ARMC9: variants seen among roughly 807,000 people sequenced by gnomAD.
ARMC9 encodes the protein armadillo repeat containing 9.
In ARMC9, 94 loss-of-function variants were observed where a neutral mutation model predicts 107.0. The ratio of observed to expected loss-of-function variants is 0.88; its 90% confidence interval spans 0.74 to 1.04. The LOEUF (loss-of-function observed/expected upper bound fraction) is 1.04, where lower values mean the gene tolerates loss of function less well. Among genes scored for constraint, ARMC9 ranks in the 50% least tolerant of loss-of-function variants. ARMC9 has a pLI of 0.00. For synonymous variants in ARMC9, 380 were observed against 396.9 expected, an observed-to-expected ratio of 0.96 and a Z score of 0.51; for missense variants, 942 against 1,030.1, an observed-to-expected ratio of 0.91 and a Z score of 1.17.
In ARMC9 at chr2:231,320,732, T is replaced by C. The variant is rs530646747; in HGVS notation, c.1774-11061T>C. 3.3e-5 allele frequency among the ~76,000 whole-genome samples: 5 copies of C among 152,256 alleles called. No individual in the cohort carries two copies. In the South Asian group the frequency reaches 1.0e-3, roughly 32 times the overall value. ...TCTTAATCCCTGGTAGGCATCTTAT[T>C]GGCAGGTGAGCTGATGGTCACAGCT... On this transcript the variant is annotated intron_variant, in intron 19 of 24. Transcript: ENST00000611582.
chr2:231,336,436 A>G (rs1158687214), intron 20 of ARMC9, among the ~76,000 whole-genome samples: 1 of 152,174 alleles, frequency 6.6e-6, no homozygotes, highest in East Asian at 1.9e-4. Context: ...GCGTCACCTG[A>G]GCCCACCTGC....
chr2:231,314,400 A>G (rs575878548), intron 19 of ARMC9, among the ~76,000 whole-genome samples: 1 of 152,080 alleles, frequency 6.6e-6, no homozygotes, highest in Non-Finnish European at 1.5e-5. Context: ...GTGTCTTTTG[A>G]TTTGTAAAAG....
rs564654987 is a variant in ARMC9, at chr2:231,356,732, C to T, written c.2131+798C>T. 8.5e-5 allele frequency among the ~76,000 whole-genome samples: 13 copies of T among 152,226 alleles called. No individual in the cohort carries two copies. In the South Asian group the frequency reaches 2.5e-3, roughly 29 times the overall value. ...TGAGCAGTTTCAGAGGTTTTGCCAG[C>T]GTTGATCATCAGTTATTTTACATGT... On this transcript the variant is annotated intron_variant, in intron 22 of 24. Transcript: ENST00000611582.
At chr2:231,217,196 G>C (rs1299292283) in intron 5 of ARMC9, among the ~76,000 whole-genome samples, 1 of 152,212 alleles carries the variant, frequency 6.6e-6, no homozygotes. Flanking sequence ...TCTTAAGCCA[G>C]ATACAAGAGA....
At chr2:231,242,627 C>T (rs2036404032) in intron 9 of ARMC9, among the ~76,000 whole-genome samples, 1 of 152,134 alleles carries the variant, frequency 6.6e-6, no homozygotes, top group Non-Finnish European at 1.5e-5. Flanking sequence ...CTGTGGCTTT[C>T]TCATAGCAAT....
In ARMC9 at chr2:231,272,935, C is replaced by G. The variant is rs776311851; in HGVS notation, c.1211-20C>G. The G allele has an allele frequency of 1.2e-6, 2 of 1,604,114 alleles. No homozygotes were observed. The highest frequency in any genetic ancestry group is 1.7e-4 in the Middle Eastern group (1 of 5,980). On this transcript the variant is annotated intron_variant, in intron 13 of 24. Coordinates refer to ENST00000611582, the MANE Select transcript of ARMC9 (RefSeq NM_001352754.2). Reference sequence around the variant, plus strand: ...AATTATTTCTGTCTTTCACCTGTTTCATCTCTGGTGTATTATCAGGTCGCC... The same window carrying G: ...AATTATTTCTGTCTTTCACCTGTTTGATCTCTGGTGTATTATCAGGTCGCC...
intron 21 of ARMC9, among the ~76,000 whole-genome samples, chr2:231,348,710 A>T (rs918167385): frequency 6.6e-6 from 1 of 152,216 alleles, no homozygotes; most frequent in Non-Finnish European, 1.5e-5. Flanking sequence ...AATCAGAATT[A>T]AAAAGGAGCT....
intron 8 of ARMC9, among the ~76,000 whole-genome samples, chr2:231,238,615 A>G (rs142694376): frequency 1.3e-5 from 2 of 152,344 alleles, no homozygotes; most frequent in African/African-American, 4.8e-5. Flanking sequence ...AGTCTCCCAA[A>G]GTGCTGGGAT....
chr2:231,305,939 C>CA (rs1260784708), intron 19 of ARMC9, among the ~76,000 whole-genome samples: 2 of 152,162 alleles, frequency 1.3e-5, no homozygotes, highest in African/African-American at 4.8e-5. Flanking sequence ...TTTAAATAGT[C>CA]AAATTCTTTT....
rs755226462 is a variant in ARMC9, at chr2:231,291,396, C to T, written c.1670C>T (p.Ala557Val). Residue 557 changes from alanine to valine, a missense_variant, in exon 18 of 25, where the codon GCT becomes GTT. Coordinates refer to ENST00000611582, the MANE Select transcript of ARMC9 (RefSeq NM_001352754.2). ...CGCTGCTTCATCAAAGAAGGCAATG[C>T]TGAAATGATCCGCCAGATAGAATTC... ...ILRCFIKEGN[A>V]EMIRQIEFII... 6.2e-7 allele frequency: 1 copy of T among 1,613,790 alleles called. No homozygotes were observed. The highest frequency in any genetic ancestry group is 8.5e-7 in the Non-Finnish European group (1 of 1,179,832).
intron 18 of ARMC9, among the ~76,000 whole-genome samples, chr2:231,292,379 C>T (rs2041074026): frequency 6.6e-6 from 1 of 152,152 alleles, no homozygotes; most frequent in Non-Finnish European, 1.5e-5. Flanking sequence ...TCCCCAGGGT[C>T]CTGGGGTCAG....
chr2:231,282,119 G>C lies in ARMC9; in HGVS notation c.1612G>C (p.Glu538Gln). 1 of 1,614,146 alleles carries C rather than the reference G, an allele frequency of 6.2e-7. No individual in the cohort carries two copies. The highest frequency in any genetic ancestry group is 8.5e-7 in the Non-Finnish European group (1 of 1,179,994). The change falls in exon 17 of 25, where the codon GAA (glutamate) becomes CAA (glutamine). Residue 538 changes from glutamate (E) to glutamine (Q), a missense_variant. Transcript: ENST00000611582. ...SILSVPSIRE[E>Q]ARAMGMEDIL... The stretch of plus-strand genomic sequence containing the variant: ...CCTTTCTGTTCCATCCATTCGTGAG[G>C]AAGCAAGAGCAATGGTAAGAAAGCG...
At chr2:231,266,827 T>C (rs1393235632) in intron 12 of ARMC9, among the ~76,000 whole-genome samples, 1 of 152,238 alleles carries the variant, frequency 6.6e-6, no homozygotes, top group Non-Finnish European at 1.5e-5. Context: ...GGACCATATT[T>C]TGCGTATCTA....
intron 4 of ARMC9, chr2:231,215,288 G>A (rs2033376233): frequency 3.3e-6 from 1 of 306,098 alleles, no homozygotes; most frequent in South Asian, 5.6e-5. Context: ...TTAGTATGTA[G>A]GCGTGTATGT....
intron 20 of ARMC9, 132 bp from the exon 21 acceptor site, chr2:231,344,843 A>G (rs1359815559): frequency 2.1e-6 from 2 of 951,976 alleles, no homozygotes; most frequent in East Asian, 2.6e-5. Flanking sequence ...AATTTGTGAC[A>G]TGATCCTTCC....
rs577146462 is a variant in ARMC9, at chr2:231,324,154, G to A, written c.1774-7639G>A. ...TTTTTTTTTTTTTTTTTGTGATGTA[G>A]TCTTGCTCTGTTGCCCAGGCTGGAG... On this transcript the variant is annotated intron_variant, in intron 19 of 24. Transcript: ENST00000611582. 2.1e-3 allele frequency among the ~76,000 whole-genome samples: 205 copies of A among 98,598 alleles called. 2 individuals carry two copies. Among genetic ancestry groups the A allele is most frequent in the African/African-American group, 7.5e-3 (182 of 24,232 alleles). 64.7% of individuals were successfully genotyped at this position (98,598 alleles called of 152,430 possible). A position where few individuals can be genotyped will look rare whatever the true frequency, so the allele number is the denominator to read the frequency against.
chr2:231,208,073 T>A, intron 2 of ARMC9, 54 bp from the exon 3 acceptor site: 1 of 849,380 alleles, frequency 1.2e-6, no homozygotes, highest in East Asian at 2.7e-5. Context: ...GGCTGTTTTT[T>A]AATTGGATTA....
Position 231,302,433 on chromosome 2 carries a change from G to GTTTTTTTT in ARMC9, c.1773+6183_1773+6184insTTTTTTTT, listed in dbSNP as rs1322418026. Among the ~76,000 whole-genome samples, 15 of 96,388 alleles carry GTTTTTTTT rather than the reference G, an allele frequency of 1.6e-4. 1 individual carries two copies. The highest frequency in any genetic ancestry group is 4.0e-4 in the South Asian group (1 of 2,528). The allele number at this position is 96,388 out of a possible 152,430, so 63.2% of individuals were successfully genotyped here. A position where few individuals can be genotyped will look rare whatever the true frequency, so the allele number is the denominator to read the frequency against. On this transcript the variant is annotated intron_variant, in intron 19 of 24. Transcript: ENST00000611582. ...TTTATGAAAAAGTGTAGCATTGTGG[G>GTTTTTTTT]TTTGTTTTTTTTTTTTTTTTTTTTT... is the stretch of plus-strand genomic sequence containing the variant.
Position 231,372,630 on chromosome 2 carries a change from C to T in ARMC9, c.*1095C>T, listed in dbSNP as rs2046065185. 6.6e-6 allele frequency: 1 copy of T among 152,216 alleles called. No homozygotes were observed. Among genetic ancestry groups the T allele is most frequent in the African/African-American group, 2.4e-5 (1 of 41,346 alleles). 9.4% of individuals were successfully genotyped at this position (152,216 alleles called of 1,614,324 possible). ...AGAGGAAGGATGTTTGCCTTCAGGA[C>T]CAGCAAGTCACAGGTGTCCTGGATG... On this transcript the variant is annotated 3_prime_UTR_variant, in exon 25 of 25. Coordinates refer to ENST00000611582, the MANE Select transcript of ARMC9 (RefSeq NM_001352754.2).
Sources: gnomAD v4.1 joint callset for allele counts (sites outside exome capture counted in the v4.1 genomes callset) on GRCh38, gnomAD v4.1.1 for gene constraint, MANE v1.5 for transcripts, NCBI Gene and HGNC (gene_info 2026-07-23, HGNC 2026-07-21) for gene names.